The following LIN7A variants were observed in gnomAD, a reference collection of about 807,000 sequenced individuals.
LIN7A encodes protein lin-7 homolog A.
A neutral mutation model predicts 29.8 loss-of-function variants in LIN7A; 25 were observed. The observed-to-expected ratio is 0.84, with a 90% CI of 0.61 to 1.17. LIN7A has a LOEUF of 1.17. Among genes scored for constraint, LIN7A ranks in the 50% most tolerant of loss-of-function variants. LIN7A has a pLI of 0.00. For synonymous variants in LIN7A, 118 were observed against 107.5 expected, an observed-to-expected ratio of 1.10 and a Z score of -0.60; for missense variants, 239 against 287.0, an observed-to-expected ratio of 0.83 and a Z score of 1.21.
chr12:80,872,873 A>C (rs1874493040), intron 2 of LIN7A, among the ~76,000 whole-genome samples: 1 of 152,254 alleles, frequency 6.6e-6, no homozygotes, highest in Admixed American at 6.5e-5. Context: ...TACGGAGTCA[A>C]CAATAACTGA....
chr12:80,937,599 G>A (rs1178694257), intron 1 of LIN7A, 42 bp downstream of exon 1: 1 of 1,370,308 alleles, frequency 7.3e-7, no homozygotes, highest in Admixed American at 2.5e-5. Flanking sequence ...GGGAGGAGGG[G>A]AGAGGGGACG....
rs938769065 is a variant in LIN7A, at chr12:80,891,098, G to C, written c.83-1729C>G. Among the ~76,000 whole-genome samples the C allele has an allele frequency of 2.6e-5, 4 of 152,286 alleles. No homozygotes were observed. The East Asian group carries it at 7.7e-4, about 29-fold the overall frequency. Reference sequence around the variant, plus strand: ...CCCCTTGCATACAGATAGTCGGCAAGTGCGGTAGATTCTATCTTGGAATTG... The same window carrying C: ...CCCCTTGCATACAGATAGTCGGCAACTGCGGTAGATTCTATCTTGGAATTG... On this transcript the variant is annotated intron_variant, in intron 1 of 5. Transcript: ENST00000552864.
intron 4 of LIN7A, among the ~76,000 whole-genome samples, chr12:80,819,454 A>G (rs1348821397): frequency 1.3e-5 from 2 of 152,248 alleles, no homozygotes; most frequent in Non-Finnish European, 2.9e-5. Context: ...CAAGTGCACT[A>G]TAATTTATCA....
At chr12:80,802,704 T>C (rs1472567398) in intron 5 of LIN7A, among the ~76,000 whole-genome samples, 2 of 151,886 alleles carry the variant, frequency 1.3e-5, no homozygotes, top group Non-Finnish European at 2.9e-5. Flanking sequence ...CTCACTATGT[T>C]GCCTAGGGTG....
At chr12:80,877,575 A>G (rs1220710509) in intron 2 of LIN7A, among the ~76,000 whole-genome samples, 1 of 152,150 alleles carries the variant, frequency 6.6e-6, no homozygotes, top group Non-Finnish European at 1.5e-5. Flanking sequence ...TTTCAGCCCT[A>G]AATCTATATT....
rs1015040312 is a variant in LIN7A, at chr12:80,929,746, A to G, written c.82+7895T>C. Among the ~76,000 whole-genome samples the G allele has an allele frequency of 2.0e-5, 3 of 152,270 alleles. No individual in the cohort carries two copies. The South Asian group carries it at 6.2e-4, about 32-fold the overall frequency. On this transcript the variant is annotated intron_variant, in intron 1 of 5. Coordinates refer to ENST00000552864, the MANE Select transcript of LIN7A (RefSeq NM_004664.4). Reference sequence around the variant, plus strand: ...ATGTACACACACACACACATTTTATATATATTTTAAAATATATATATGGGC... The same window carrying G: ...ATGTACACACACACACACATTTTATGTATATTTTAAAATATATATATGGGC...
chr12:80,802,709 A>C (rs2121489684), intron 5 of LIN7A, among the ~76,000 whole-genome samples: 1 of 148,516 alleles, frequency 6.7e-6, no homozygotes, highest in East Asian at 2.0e-4. Flanking sequence ...TATGTTGCCT[A>C]GGGTGGACTC....
At chr12:80,873,644 T>TA (rs1388288177) in intron 2 of LIN7A, among the ~76,000 whole-genome samples, 4 of 152,174 alleles carry the variant, frequency 2.6e-5, no homozygotes, top group Admixed American at 2.6e-4. Context: ...TCAACAAGGT[T>TA]ATGCTTTTGT....
Position 80,811,421 on chromosome 12 carries a change from A to G in LIN7A, c.*44T>C, listed in dbSNP as rs755132878. The G allele has an allele frequency of 1.3e-3, 431 of 319,396 alleles. 2 individuals are homozygous for G. Among genetic ancestry groups the G allele is most frequent in the Middle Eastern group, 4.8e-3 (5 of 1,036 alleles). 19.8% of individuals were successfully genotyped at this position (319,396 alleles called of 1,614,324 possible). ...CATATATACATATATGTGTGTGTGT[A>G]TATATATATATATACTCCTTGTATA... On this transcript the variant is annotated intron_variant, in intron 5 of 5. Transcript: ENST00000552864.
chr12:80,927,434 C>T (rs1053149598), intron 1 of LIN7A, among the ~76,000 whole-genome samples: 9 of 152,134 alleles, frequency 5.9e-5, no homozygotes, highest in East Asian at 1.9e-4. Flanking sequence ...CAGGCGTGAG[C>T]CACCACGCCC....
At chr12:80,824,857 C>T (rs965370498) in intron 4 of LIN7A, among the ~76,000 whole-genome samples, 2 of 152,188 alleles carry the variant, frequency 1.3e-5, no homozygotes, top group African/African-American at 4.8e-5. Flanking sequence ...ATAGAAGGGA[C>T]ATACCTTAAG....
intron 1 of LIN7A, among the ~76,000 whole-genome samples, chr12:80,925,209 A>G (rs189523869): frequency 3.1e-4 from 47 of 152,378 alleles, no homozygotes; most frequent in Admixed American, 1.5e-3. Context: ...AGAAAATTTC[A>G]ACCTCATGTG....
rs1174693242 is a variant in LIN7A, at chr12:80,823,395, C to G, written c.484-11712G>C. 3.9e-5 allele frequency among the ~76,000 whole-genome samples: 6 copies of G among 152,234 alleles called. No homozygotes were observed. The East Asian group carries it at 1.2e-3, about 29-fold the overall frequency. ...AAGCTTCCAGGCACCACTGCAGTCC[C>G]TGGTGCCAGGCATGGAAGCTGTTTG... On this transcript the variant is annotated intron_variant, in intron 4 of 5. Transcript: ENST00000552864.
intron 2 of LIN7A, among the ~76,000 whole-genome samples, chr12:80,875,470 T>C (rs1195068843): frequency 1.3e-5 from 2 of 152,202 alleles, no homozygotes; most frequent in East Asian, 3.9e-4. Context: ...TGCACATTCA[T>C]AAGAACGTAC....
intron 2 of LIN7A, among the ~76,000 whole-genome samples, chr12:80,881,001 C>T (rs1248719246): frequency 6.6e-6 from 1 of 152,056 alleles, no homozygotes. Context: ...TTCTAATCAA[C>T]CAACCAGCTC....
At chr12:80,905,043 C>CTG (rs146484792) in intron 1 of LIN7A, among the ~76,000 whole-genome samples, 15 of 151,268 alleles carry the variant, frequency 9.9e-5, no homozygotes, top group Non-Finnish European at 1.9e-4. Context: ...AGCTGAGTGT[C>CTG]TGTGTGTGTG....
intron 4 of LIN7A, among the ~76,000 whole-genome samples, chr12:80,831,695 A>G (rs1336147781): frequency 1.3e-5 from 2 of 152,166 alleles, no homozygotes; most frequent in African/African-American, 4.8e-5. Context: ...AACATCATAC[A>G]ACTTTGCATT....
At chr12:80,848,180 AAC>A in intron 3 of LIN7A, 69 bp downstream of exon 3, 1 of 1,135,066 alleles carries the variant, frequency 8.8e-7, no homozygotes, top group Non-Finnish European at 1.3e-6. Flanking sequence ...GAATACCTGA[AAC>A]ACACACGCGC....
chr12:80,932,642 TC>T (rs1179554971), intron 1 of LIN7A, among the ~76,000 whole-genome samples: 2 of 152,348 alleles, frequency 1.3e-5, no homozygotes, highest in Admixed American at 1.3e-4. Context: ...CCATGAGTAT[TC>T]AAGAGCCATT....
Sources: gnomAD v4.1 joint callset for allele counts (sites outside exome capture counted in the v4.1 genomes callset) on GRCh38, gnomAD v4.1.1 for gene constraint, MANE v1.5 for transcripts, NCBI Gene and HGNC (gene_info 2026-07-23, HGNC 2026-07-21) for gene names.